ZFP14: variants seen among roughly 807,000 people sequenced by gnomAD.
ZFP14 encodes zinc finger protein 14 homolog.
Under a neutral mutation model 54.5 loss-of-function variants are expected in ZFP14, and 22 were observed. The observed-to-expected ratio is 0.40, with a 90% CI of 0.29 to 0.58. The LOEUF (loss-of-function observed/expected upper bound fraction) is 0.58. ZFP14 is among the 20% of genes least tolerant of loss of function. ZFP14 has a pLI of 0.39. For synonymous variants in ZFP14, 159 were observed against 204.0 expected, an observed-to-expected ratio of 0.78 and a Z score of 1.88; for missense variants, 470 against 637.8, an observed-to-expected ratio of 0.74 and a Z score of 2.83.
At position 36,345,745 on chromosome 19, in the gene ZFP14, T is replaced by C. The variant is rs73928795; in HGVS notation, c.236-4155A>G. On this transcript the variant is annotated intron_variant, in intron 4 of 4. Coordinates refer to ENST00000270001, the MANE Select transcript of ZFP14 (RefSeq NM_020917.3). The stretch of plus-strand genomic sequence containing the variant: ...ATCTTCACTTCAGATTTTAAAACTC[T>C]TTCCTAAATATAGAACAGTAATATT... Among the ~76,000 whole-genome samples the C allele has an allele frequency of 6.3e-3, 966 of 152,320 alleles. 16 individuals carry two copies. Among genetic ancestry groups the C allele is most frequent in the African/African-American group, 0.022 (930 of 41,564 alleles).
rs946698420 is a variant in ZFP14 at position 36,337,998 on chromosome 19, T to C, written c.*2226A>G. On this transcript the variant is annotated 3_prime_UTR_variant, in exon 5 of 5. Coordinates refer to ENST00000270001, the MANE Select transcript of ZFP14 (RefSeq NM_020917.3). ...ACTTCTTCAAAAAAGAAAAACCCAT[T>C]CAAAAAACAAATTTTTTTTTTGAGA... 9 of 152,134 alleles carry C rather than the reference T, an allele frequency of 5.9e-5. No individual in the cohort carries two copies. Among genetic ancestry groups the C allele is most frequent in the African/African-American group, 2.2e-4 (9 of 41,410 alleles). The allele number at this position is 152,134 out of a possible 1,614,324, so 9.4% of individuals were successfully genotyped here.
intron 4 of ZFP14, among the ~76,000 whole-genome samples, chr19:36,358,809 G>A (rs1225255418): frequency 6.6e-6 from 1 of 152,132 alleles, no homozygotes; most frequent in Non-Finnish European, 1.5e-5. Flanking sequence ...AATATTGAGA[G>A]GTGGGGTTTT....
At chr19:36,354,958 C>T (rs577447527) in intron 4 of ZFP14, among the ~76,000 whole-genome samples, 1 of 143,074 alleles carries the variant, frequency 7.0e-6, no homozygotes, top group South Asian at 2.2e-4. Context: ...GGCACGAAGC[C>T]ACTGCGCCTG....
intron 1 of ZFP14, among the ~76,000 whole-genome samples, chr19:36,375,966 T>C (rs2031955994): frequency 6.6e-6 from 1 of 152,102 alleles, no homozygotes; most frequent in African/African-American, 2.4e-5. Flanking sequence ...GTGCTGAGAT[T>C]ACAGACATGA....
chr19:36,341,244 A>G lies in ZFP14; in HGVS notation c.582T>C (p.His194=). 6.2e-7 allele frequency: 1 copy of G among 1,614,184 alleles called. No individual in the cohort carries two copies. The change falls in exon 5 of 5, where the codon CAT becomes CAC. Residue 194 remains histidine (H), a synonymous_variant. Coordinates refer to ENST00000270001, the MANE Select transcript of ZFP14 (RefSeq NM_020917.3). The surrounding 1 kb of genome is among the most constrained non-coding windows in gnomAD (Gnocchi z 4.2). Reference sequence around the variant, plus strand: ...TACACTTATAAGGTTTCTCACCAGTATGAATTCTCAGGTGTTGACTAAGTG... The same window carrying G: ...TACACTTATAAGGTTTCTCACCAGTGTGAATTCTCAGGTGTTGACTAAGTG... ...RSTLSQHLRI[H]TGEKPYKCKE... is the part of the protein sequence containing the mutation.
Position 36,340,979 on chromosome 19 carries a change from G to A in ZFP14, c.847C>T (p.Pro283Ser). The change falls in exon 5 of 5, where the codon CCC becomes TCC. Residue 283 changes from proline (P) to serine (S), a missense_variant. Physicochemically the swap from Pro to Ser is moderately conservative, Grantham distance 74. Coordinates refer to ENST00000270001, the MANE Select transcript of ZFP14 (RefSeq NM_020917.3). The surrounding 1 kb of genome is among the most constrained non-coding windows in gnomAD (Gnocchi z 5.4). The stretch of plus-strand genomic sequence containing the variant: ...TTTCCACAGTCCTTACATTCATAGG[G>A]TTTCTCACCAGTGTGAATTCTCTGA... Reference protein sequence around the residue: ...RHQRIHTGEKPYECKDCGKTF... With the variant: ...RHQRIHTGEKSYECKDCGKTF... The A allele has an allele frequency of 6.2e-7, 1 of 1,614,092 alleles. No individual in the cohort carries two copies. Among genetic ancestry groups the A allele is most frequent in the Middle Eastern group, 1.6e-4 (1 of 6,062 alleles).
intron 1 of ZFP14, among the ~76,000 whole-genome samples, chr19:36,368,746 G>A (rs760037775): frequency 6.6e-6 from 1 of 152,144 alleles, no homozygotes; most frequent in Non-Finnish European, 1.5e-5. Flanking sequence ...CTGCCAATGT[G>A]AGGCTACCCT....
rs775806154 is a variant in ZFP14, at chr19:36,362,257, G to GT, written c.10-20dup. The GT allele has an allele frequency of 5.7e-6, 9 of 1,575,276 alleles. No homozygotes were observed. The African/African-American group carries it at 1.1e-4, about 19-fold the overall frequency. ...CTGAACCCTGAAAAAACAAACTCAG[G>GT]TATTACTTGTGAAAATAAATTAAAT... On this transcript the variant is annotated intron_variant, in intron 2 of 4. Coordinates refer to ENST00000270001, the MANE Select transcript of ZFP14 (RefSeq NM_020917.3).
Position 36,336,121 on chromosome 19 carries a change from T to A in ZFP14, c.*4103A>T, listed in dbSNP as rs1450115526. 6.6e-6 allele frequency: 1 copy of A among 152,102 alleles called. No homozygotes were observed. The highest frequency in any genetic ancestry group is 1.5e-5 in the Non-Finnish European group (1 of 68,026). The allele number at this position is 152,102 out of a possible 1,614,324, so 9.4% of individuals were successfully genotyped here. On this transcript the variant is annotated 3_prime_UTR_variant, in exon 5 of 5. Transcript: ENST00000270001. Reference sequence around the variant, plus strand: ...CATCATTAATACTCTAAATGTATTATCTTTCATTTTCTCTTCCTTGATTAT... The same window carrying A: ...CATCATTAATACTCTAAATGTATTAACTTTCATTTTCTCTTCCTTGATTAT...
chr19:36,344,267 AG>A (rs1390479513), intron 4 of ZFP14, among the ~76,000 whole-genome samples: 5 of 152,140 alleles, frequency 3.3e-5, no homozygotes, highest in African/African-American at 1.2e-4. Context: ...GGCCTCCCAA[AG>A]TGCTGAGATT....
intron 1 of ZFP14, among the ~76,000 whole-genome samples, chr19:36,371,238 G>A (rs2031873201): frequency 6.6e-6 from 1 of 152,086 alleles, no homozygotes; most frequent in Non-Finnish European, 1.5e-5. Flanking sequence ...ACTCCAGCCT[G>A]GGCGACAGAG....
At chr19:36,359,969 T>C (rs1293477907) in intron 4 of ZFP14, 2 of 152,194 alleles carry the variant, frequency 1.3e-5, no homozygotes, top group African/African-American at 4.8e-5. Flanking sequence ...ATTATTCTTT[T>C]AACGGCTATA....
At chr19:36,349,894 G>A (rs1208601964) in intron 4 of ZFP14, among the ~76,000 whole-genome samples, 2 of 100,298 alleles carry the variant, frequency 2.0e-5, no homozygotes, top group African/African-American at 7.0e-5. Flanking sequence ...GCTCACACCT[G>A]TAATCCCAAC....
intron 4 of ZFP14, among the ~76,000 whole-genome samples, chr19:36,350,987 T>C (rs888703034): frequency 7.0e-6 from 1 of 143,658 alleles, no homozygotes; most frequent in Non-Finnish European, 1.5e-5. Context: ...TATTTTCTAA[T>C]AAAACCTAAG....
chr19:36,355,984 C>T (rs1459395200), intron 4 of ZFP14, among the ~76,000 whole-genome samples: 1 of 142,754 alleles, frequency 7.0e-6, no homozygotes, highest in Non-Finnish European at 1.6e-5. Flanking sequence ...ATCTTTTCCC[C>T]ATTCCCCTCA....
At chr19:36,361,826 C>A (rs1166089176) in intron 3 of ZFP14, among the ~76,000 whole-genome samples, 2 of 152,142 alleles carry the variant, frequency 1.3e-5, no homozygotes, top group African/African-American at 4.8e-5. Context: ...GCATTTATGT[C>A]AATTCTGAGC....
At position 36,352,488 on chromosome 19, in the gene ZFP14, A is replaced by C. The variant is rs1025611784; in HGVS notation, c.235+7947T>G. 4.9e-5 allele frequency among the ~76,000 whole-genome samples: 7 copies of C among 143,046 alleles called. 2 individuals are homozygous for C. The highest frequency in any genetic ancestry group is 1.5e-4 in the African/African-American group (6 of 39,012). The allele number at this position is 143,046 out of a possible 152,430, so 93.8% of individuals were successfully genotyped here. ...GAAAATTAATGAAATGTAGATGCAT[A>C]AAATACATCAATTAATAGACAAAAA... On this transcript the variant is annotated intron_variant, in intron 4 of 4. Transcript: ENST00000270001.
At chr19:36,346,345 AAAAC>A (rs937761680) in intron 4 of ZFP14, among the ~76,000 whole-genome samples, 3 of 152,336 alleles carry the variant, frequency 2.0e-5, no homozygotes, top group East Asian at 3.9e-4. Context: ...ACAAAAAACA[AAAAC>A]AAAATCAGTG....
chr19:36,335,905 T>C lies in ZFP14; in HGVS notation c.*4319A>G, dbSNP rs1191706047. ...GCCCGCCACCATGACAGGCTAATTT[T>C]TGTATTTTTAGTAGAGATGGGGTTT... On this transcript the variant is annotated 3_prime_UTR_variant, in exon 5 of 5. Coordinates refer to ENST00000270001, the MANE Select transcript of ZFP14 (RefSeq NM_020917.3). 6.6e-6 allele frequency: 1 copy of C among 152,000 alleles called. No homozygotes were observed. Among genetic ancestry groups the C allele is most frequent in the African/African-American group, 2.4e-5 (1 of 41,392 alleles). The allele number at this position is 152,000 out of a possible 1,614,324, so 9.4% of individuals were successfully genotyped here. A position where few individuals can be genotyped will look rare whatever the true frequency, so the allele number is the denominator to read the frequency against.
Sources: gnomAD v4.1 joint callset for allele counts (sites outside exome capture counted in the v4.1 genomes callset) on GRCh38, gnomAD v4.1.1 for gene constraint, Gnocchi (gnomAD v3.1) non-coding constraint, MANE v1.5 for transcripts, NCBI Gene and HGNC (gene_info 2026-07-23, HGNC 2026-07-21) for gene names.